The following CRTC1 variants were observed in gnomAD, a reference collection of about 807,000 sequenced individuals.
CRTC1 encodes the protein CREB regulated transcription coactivator 1, also known as CREB-regulated transcription coactivator 1.
CRTC1 carries 18 observed loss-of-function variants against 66.1 expected under a neutral mutation model. The ratio of observed to expected loss-of-function variants is 0.27; its 90% CI spans 0.19 to 0.40. The LOEUF (loss-of-function observed/expected upper bound fraction) is 0.40. CRTC1 is among the 10% of genes least tolerant of loss of function. CRTC1 has a pLI of 1.00. For synonymous variants in CRTC1, 416 were observed against 398.8 expected (o/e 1.04, Z -0.51); for missense variants, 669 against 887.9 (o/e 0.75, Z 3.13).
At chr19:18,724,427 G>C (rs1043560290) in intron 1 of CRTC1, among the ~76,000 whole-genome samples, 1 of 152,058 alleles carries the variant, frequency 6.6e-6, no homozygotes, top group Admixed American at 6.6e-5. Context: ...ATTGGGACTG[G>C]GGGGCCATGT....
At chr19:18,752,531 G>A (rs2145773503) in intron 5 of CRTC1, among the ~76,000 whole-genome samples, 1 of 152,202 alleles carries the variant, frequency 6.6e-6, no homozygotes, top group African/African-American at 2.4e-5. Flanking sequence ...GTTGCCCAGG[G>A]CAGTCTCAAA....
chr19:18,713,110 G>A (rs145340380), intron 1 of CRTC1, among the ~76,000 whole-genome samples: 9 of 152,260 alleles, frequency 5.9e-5, no homozygotes, highest in African/African-American at 1.7e-4. Flanking sequence ...ACTATGTGGC[G>A]TTTTGTGTCT....
intron 6 of CRTC1, among the ~76,000 whole-genome samples, chr19:18,756,306 C>G (rs1272938967): frequency 1.6e-5 from 2 of 124,082 alleles, no homozygotes; most frequent in Non-Finnish European, 3.1e-5. Flanking sequence ...GCACTCCAGC[C>G]TGGGCACCAA....
At chr19:18,737,565 C>A (rs1287954260) in intron 1 of CRTC1, among the ~76,000 whole-genome samples, 2 of 152,152 alleles carry the variant, frequency 1.3e-5, no homozygotes, top group Non-Finnish European at 2.9e-5. Context: ...AGGGGTGAAT[C>A]ATGTCCCACA....
chr19:18,699,910 T>A (rs1225337148), intron 1 of CRTC1, among the ~76,000 whole-genome samples: 2 of 152,048 alleles, frequency 1.3e-5, no homozygotes, highest in Non-Finnish European at 2.9e-5. Flanking sequence ...CCAGGGCAGG[T>A]GTCCCCCGGA....
At chr19:18,756,136 C>A (rs1403540665) in intron 6 of CRTC1, among the ~76,000 whole-genome samples, 1 of 152,004 alleles carries the variant, frequency 6.6e-6, no homozygotes, top group Non-Finnish European at 1.5e-5. Flanking sequence ...GGGTTTGACA[C>A]CAGCCTCGAC....
chr19:18,771,632 T>TCATG lies in CRTC1; in HGVS notation c.1425+90_1425+93dup. 9.8e-7 allele frequency: 1 copy of TCATG among 1,019,208 alleles called. No individual in the cohort carries two copies. Among genetic ancestry groups the TCATG allele is most frequent in the Non-Finnish European group, 1.5e-6 (1 of 668,920 alleles). 63.1% of individuals were successfully genotyped at this position (1,019,208 alleles called of 1,614,324 possible). A position where few individuals can be genotyped will look rare whatever the true frequency, so the allele number is the denominator to read the frequency against. ...TGTGTTCCCTGCCCACTGTCTGTCC[T>TCATG]CATGCATCGCTCCTCATGCATGTCC... On this transcript the variant is annotated intron_variant, in intron 11 of 13. Coordinates refer to ENST00000321949, the MANE Select transcript of CRTC1 (RefSeq NM_015321.3). This position sits in a 1 kb window ranked among gnomAD's most constrained non-coding sequence, Gnocchi z 4.6.
intron 1 of CRTC1, among the ~76,000 whole-genome samples, chr19:18,731,764 C>T (rs2053893940): frequency 6.6e-6 from 1 of 152,190 alleles, no homozygotes; most frequent in Non-Finnish European, 1.5e-5. Flanking sequence ...TCCAGAAACA[C>T]CGCCCACAGC....
At chr19:18,689,129 T>C (rs1160330397) in intron 1 of CRTC1, among the ~76,000 whole-genome samples, 1 of 151,748 alleles carries the variant, frequency 6.6e-6, no homozygotes, top group Non-Finnish European at 1.5e-5. Context: ...TATTTTTGAG[T>C]AGAGACAGGG....
At chr19:18,686,270 G>T (rs2145445098) in intron 1 of CRTC1, among the ~76,000 whole-genome samples, 1 of 152,238 alleles carries the variant, frequency 6.6e-6, no homozygotes, top group East Asian at 1.9e-4. Context: ...ATGGATCAGT[G>T]CTTCGTTCCT....
intron 2 of CRTC1, 89 bp from the exon 3 acceptor site, chr19:18,745,734 C>A: frequency 6.5e-7 from 1 of 1,542,800 alleles, no homozygotes; most frequent in Non-Finnish European, 8.9e-7. Context: ...GGGGGCCCTG[C>A]GATCAGACTC....
chr19:18,766,508 G>A lies in CRTC1; in HGVS notation c.1011+980G>A, dbSNP rs140090775. ...GTCACCCAGGGTGGAGTGCAGTGGC[G>A]TGATCTTGGTTCATTGCAACTCTGC... On this transcript the variant is annotated intron_variant, in intron 9 of 13. Transcript: ENST00000321949. 9.0e-4 allele frequency among the ~76,000 whole-genome samples: 137 copies of A among 151,860 alleles called. 1 individual carries two copies. Among genetic ancestry groups the A allele is most frequent in the African/African-American group, 2.9e-3 (121 of 41,402 alleles).
At chr19:18,730,666 T>C (rs569692647) in intron 1 of CRTC1, among the ~76,000 whole-genome samples, 1 of 152,208 alleles carries the variant, frequency 6.6e-6, no homozygotes, top group Non-Finnish European at 1.5e-5. Flanking sequence ...ACCCGCTGCC[T>C]ACCTCATCCT....
At chr19:18,719,607 C>T (rs932525022) in intron 1 of CRTC1, among the ~76,000 whole-genome samples, 2 of 152,232 alleles carry the variant, frequency 1.3e-5, no homozygotes, top group African/African-American at 4.8e-5. Context: ...GAGGCAGCGT[C>T]GAAAGAGCTG....
At position 18,775,801 on chromosome 19, in the gene CRTC1, T is replaced by C; in HGVS notation, c.1673T>C (p.Ile558Thr). ...CTGGGATACGCCAGCCACAGTGGCA[T>C]CCCCAACATCATCCTCACAGGTGAG... ...QQLGYASHSG[I>T]PNIILTVTGE... is the part of the protein sequence containing the mutation. The change falls in exon 13 of 14, where the codon ATC becomes ACC. Residue 558 changes from isoleucine to threonine, a missense_variant. By Grantham distance (89) the Ile-to-Thr change is moderately conservative. Coordinates refer to ENST00000321949, the MANE Select transcript of CRTC1 (RefSeq NM_015321.3). 6.2e-7 allele frequency: 1 copy of C among 1,605,840 alleles called. No homozygotes were observed. The highest frequency in any genetic ancestry group is 8.5e-7 in the Non-Finnish European group (1 of 1,176,358).
At chr19:18,764,264 A>C (rs1600986816) in intron 8 of CRTC1, among the ~76,000 whole-genome samples, 1 of 151,902 alleles carries the variant, frequency 6.6e-6, no homozygotes, top group Non-Finnish European at 1.5e-5. Flanking sequence ...AGGCGGCTTC[A>C]CCCCCGCCTT....
intron 1 of CRTC1, among the ~76,000 whole-genome samples, chr19:18,684,223 C>A (rs2052633597): frequency 6.6e-6 from 1 of 151,926 alleles, no homozygotes; most frequent in African/African-American, 2.4e-5. Flanking sequence ...GGGACAGGTG[C>A]CCCCGCATCA....
chr19:18,773,324 C>A (rs1286476577), intron 11 of CRTC1, among the ~76,000 whole-genome samples: 1 of 152,152 alleles, frequency 6.6e-6, no homozygotes, highest in Non-Finnish European at 1.5e-5. Context: ...ACTGTGTGCA[C>A]CCTAGCCAGG....
At chr19:18,752,194 GGCAGCTGCTCTTGGGA>G (rs1191958488) in intron 5 of CRTC1, among the ~76,000 whole-genome samples, 3 of 151,718 alleles carry the variant, frequency 2.0e-5, no homozygotes, top group Non-Finnish European at 4.4e-5. Context: ...ACACAAGCTA[GGCAGCTGCTCTTGGGA>G]GAGATTCTTG....
Sources: allele counts gnomAD v4.1 joint callset (sites outside exome capture counted in the v4.1 genomes callset), GRCh38; gene constraint gnomAD v4.1.1; non-coding constraint Gnocchi (gnomAD v3.1); transcripts MANE v1.5; gene names NCBI Gene and HGNC (gene_info 2026-07-23, HGNC 2026-07-21).